ACOX2: variants seen among roughly 807,000 people sequenced by gnomAD.
The protein encoded by ACOX2 is acyl-CoA oxidase 2.
ACOX2 carries 59 observed loss-of-function variants against 77.5 expected under a neutral mutation model. The ratio of observed to expected loss-of-function variants is 0.76; its 90% CI spans 0.62 to 0.95. ACOX2 has a LOEUF of 0.95. Among genes scored for constraint, ACOX2 ranks in the 40% least tolerant of loss-of-function variants. The pLI is 0.00. For synonymous variants in ACOX2, 317 were observed against 340.1 expected, an observed-to-expected ratio of 0.93 and a Z score of 0.75; for missense variants, 837 against 880.4, an observed-to-expected ratio of 0.95 and a Z score of 0.62.
intron 8 of ACOX2, 147 bp downstream of exon 8, chr3:58,530,318 TA>T (rs1473162499): frequency 4.2e-6 from 5 of 1,192,990 alleles, no homozygotes; most frequent in Non-Finnish European, 5.8e-6. Flanking sequence ...CCAGGCTGGG[TA>T]GATTTTGTGT....
At position 58,531,366 on chromosome 3, in the gene ACOX2, C is replaced by T. The variant is rs1233895062; in HGVS notation, c.704G>A (p.Gly235Glu). The change falls in exon 7 of 15, where the codon GGA becomes GAA. Residue 235 changes from glycine to glutamate, a missense_variant and splice_region_variant. Gly to Glu is a moderately conservative substitution (Grantham distance 98). Coordinates refer to ENST00000302819, the MANE Select transcript of ACOX2 (RefSeq NM_003500.4). The surrounding 1 kb of genome is among the most constrained non-coding windows in gnomAD (Gnocchi z 5.8). ...RSLQDHTPLP[G>E]IIIGDIGPKM... ...GGGTCCGATGTCCCCAATGATGATT[C>T]CTTGAAGGAGATGGAGATGAGGACA... The T allele has an allele frequency of 6.2e-7, 1 of 1,612,624 alleles. No homozygotes were observed. The highest frequency in any genetic ancestry group is 8.5e-7 in the Non-Finnish European group (1 of 1,178,910).
chr3:58,528,308 A>G lies in ACOX2; in HGVS notation c.1155+486T>C, dbSNP rs1028679507. ...ACCTGTGAGCCAGATGTGTTTAGGA[A>G]TCAGAGTAACTTTTGGATTATAGAG... is the stretch of plus-strand genomic sequence containing the variant. On this transcript the variant is annotated intron_variant, in intron 9 of 14. Coordinates refer to ENST00000302819, the MANE Select transcript of ACOX2 (RefSeq NM_003500.4). The surrounding 1 kb of genome is among the most constrained non-coding windows in gnomAD (Gnocchi z 5.6). 6.6e-6 allele frequency among the ~76,000 whole-genome samples: 1 copy of G among 152,240 alleles called. No homozygotes were observed.
Position 58,524,579 on chromosome 3 carries a change from G to T in ACOX2, c.1373C>A (p.Thr458Asn). Residue 458 changes from threonine to asparagine, a missense_variant, in exon 11 of 15, where the codon ACT becomes AAT. Transcript: ENST00000302819. The surrounding 1 kb of genome is among the most constrained non-coding windows in gnomAD (Gnocchi z 5.5). ...TGGCGTGGAGCCAGGGGACATCTGA[G>T]TCTGCAGGTAGCTCTTCACCAGGAA... ...ARFLVKSYLQ[T>N]QMSPGSTPQR... 1.9e-6 allele frequency: 3 copies of T among 1,614,122 alleles called. No individual in the cohort carries two copies. The highest frequency in any genetic ancestry group is 2.5e-6 in the Non-Finnish European group (3 of 1,180,026).
In ACOX2 at chr3:58,533,935, G is replaced by C; in HGVS notation, c.475+59C>G. 6.3e-7 allele frequency: 1 copy of C among 1,589,864 alleles called. No homozygotes were observed. Among genetic ancestry groups the C allele is most frequent in the Non-Finnish European group, 8.6e-7 (1 of 1,163,158 alleles). Reference sequence around the variant, plus strand: ...ACCTATGACTACCTAGATGTAAATGGGCCCTCTGGAGTTTTGCAGTGCACA... The same window carrying C: ...ACCTATGACTACCTAGATGTAAATGCGCCCTCTGGAGTTTTGCAGTGCACA... On this transcript the variant is annotated intron_variant, in intron 4 of 14. Coordinates refer to ENST00000302819, the MANE Select transcript of ACOX2 (RefSeq NM_003500.4). This position sits in a 1 kb window ranked among gnomAD's most constrained non-coding sequence, Gnocchi z 5.6.
intron 14 of ACOX2, among the ~76,000 whole-genome samples, chr3:58,507,146 A>G (rs1368640114): frequency 6.6e-6 from 1 of 152,244 alleles, no homozygotes; most frequent in Non-Finnish European, 1.5e-5. Context: ...AATATAAGCT[A>G]GGATGACAAG....
At chr3:58,510,699 TATATATATATACACACACACACAC>T (rs1229640991) in intron 13 of ACOX2, among the ~76,000 whole-genome samples, 224 of 5,850 alleles carry the variant, frequency 0.038, 35 homozygotes, top group East Asian at 0.3. Flanking sequence ...TATATATATA[TATATATATATACACACACACACAC>T]ACACACACAC....
At chr3:58,529,260 C>T (rs1360295831) in intron 8 of ACOX2, 7 of 199,924 alleles carry the variant, frequency 3.5e-5, no homozygotes, top group Non-Finnish European at 7.0e-5. Flanking sequence ...TCCAACACGT[C>T]TGGTCCCAAG....
At chr3:58,511,146 G>T (rs2063284079) in intron 13 of ACOX2, 1 of 436,566 alleles carries the variant, frequency 2.3e-6, no homozygotes, top group Admixed American at 2.5e-5. Context: ...TCTCAGCTCA[G>T]GCCTCAGTCC....
chr3:58,536,687 A>T (rs2063484158), intron 1 of ACOX2, among the ~76,000 whole-genome samples: 1 of 152,016 alleles, frequency 6.6e-6, no homozygotes, highest in South Asian at 2.1e-4. Flanking sequence ...TTGCTAGGGC[A>T]TCTCCATCTG....
At position 58,524,529 on chromosome 3, in the gene ACOX2, C is replaced by A. The variant is rs1337986864; in HGVS notation, c.1423G>T (p.Ala475Ser). 1 of 1,614,146 alleles carries A rather than the reference C, an allele frequency of 6.2e-7. No individual in the cohort carries two copies. ...GCCAGGTCAGGTGCGGTGAGATATG[C>A]GACAGATGGAGAGAGAGATCTCTGT... ...TPQRSLSPSV[A>S]YLTAPDLARC... The change falls in exon 11 of 15, where the codon GCA becomes TCA. Residue 475 changes from alanine (A) to serine (S), a missense_variant. By Grantham distance (99) the Ala-to-Ser change is moderately conservative. Coordinates refer to ENST00000302819, the MANE Select transcript of ACOX2 (RefSeq NM_003500.4). This position sits in a 1 kb window ranked among gnomAD's most constrained non-coding sequence, Gnocchi z 5.5.
In ACOX2 at chr3:58,523,342, T is replaced by A. The variant is rs1169892107; in HGVS notation, c.1527-741A>T. On this transcript the variant is annotated intron_variant, in intron 11 of 14. Transcript: ENST00000302819. The surrounding 1 kb of genome is among the most constrained non-coding windows in gnomAD (Gnocchi z 5.3). ...AGCCTTATCTTCCCCTCCTCAAATC[T>A]CCCAATTGAAATGTTAGCTCTATGA... 6.6e-6 allele frequency among the ~76,000 whole-genome samples: 1 copy of A among 152,138 alleles called. No individual in the cohort carries two copies. The highest frequency in any genetic ancestry group is 2.4e-5 in the African/African-American group (1 of 41,420).
At position 58,511,158 on chromosome 3, in the gene ACOX2, T is replaced by G. The variant is rs185665189; in HGVS notation, c.1851-2133A>C. ...GGCTCTCAGCTCAGGCCTCAGTCCC[T>G]CCTTGTCTACTAGATGTCTTTTCCT... On this transcript the variant is annotated intron_variant, in intron 13 of 14. Transcript: ENST00000302819. The G allele has an allele frequency of 4.0e-4, 163 of 408,124 alleles. No individual in the cohort carries two copies. The East Asian group carries it at 0.011, about 29-fold the overall frequency. The allele number at this position is 408,124 out of a possible 1,614,324, so 25.3% of individuals were successfully genotyped here.
rs2063310693 is a variant in ACOX2 at position 58,514,843 on chromosome 3, A to C, written c.1850+2363T>G. Among the ~76,000 whole-genome samples, 1 of 152,218 alleles carries C rather than the reference A, an allele frequency of 6.6e-6. No homozygotes were observed. Among genetic ancestry groups the C allele is most frequent in the Non-Finnish European group, 1.5e-5 (1 of 68,036 alleles). On this transcript the variant is annotated intron_variant, in intron 13 of 14. Transcript: ENST00000302819. This position sits in a 1 kb window ranked among gnomAD's most constrained non-coding sequence, Gnocchi z 4.3. ...AACCGGGGCTAGAACATTATTTTCA[A>C]GTGCTTTTAAATTCTGAGAGTTTCA...
chr3:58,509,013 G>A lies in ACOX2; in HGVS notation c.1863C>T (p.Ile621=), dbSNP rs2063255858. ...TGAAGTCAAAAGCATCAGTTAACAG[G>A]ATGGCATCCTTCCTGGGATAGGAAA... is the stretch of plus-strand genomic sequence containing the variant. ...DLLRLIRKDA[I]LLTDAFDFTD... Residue 621 remains isoleucine (I), a synonymous_variant, in exon 14 of 15, where the codon ATC becomes ATT. Coordinates refer to ENST00000302819, the MANE Select transcript of ACOX2 (RefSeq NM_003500.4). 7 of 1,613,972 alleles carry A rather than the reference G, an allele frequency of 4.3e-6. No individual in the cohort carries two copies. Among genetic ancestry groups the A allele is most frequent in the Non-Finnish European group, 5.9e-6 (7 of 1,179,978 alleles).
Position 58,526,571 on chromosome 3 carries a change from C to G in ACOX2, c.1241G>C (p.Gly414Ala), listed in dbSNP as rs896125064. 1.2e-6 allele frequency: 2 copies of G among 1,614,074 alleles called. No homozygotes were observed. Among genetic ancestry groups the G allele is most frequent in the African/African-American group, 2.7e-5 (2 of 74,934 alleles). ...GCCACTCAGCTTTGAGTAGCCATGT[C>G]CGCCACAGGCCCTGCGGCACATCTC... is the stretch of plus-strand genomic sequence containing the variant. ...GAEMCRRACG[G>A]HGYSKLSGLP... Residue 414 changes from glycine to alanine, a missense_variant, in exon 10 of 15, where the codon GGA (glycine) becomes GCA (alanine). Coordinates refer to ENST00000302819, the MANE Select transcript of ACOX2 (RefSeq NM_003500.4). This position sits in a 1 kb window ranked among gnomAD's most constrained non-coding sequence, Gnocchi z 4.3.
chr3:58,533,982 G>A lies in ACOX2; in HGVS notation c.475+12C>T. 1.2e-6 allele frequency: 2 copies of A among 1,614,064 alleles called. No individual in the cohort carries two copies. The highest frequency in any genetic ancestry group is 1.7e-6 in the Non-Finnish European group (2 of 1,179,980). Reference sequence around the variant, plus strand: ...CACAACCTAAACACCACACGCAGCAGTCCTAGCTCACCATGTCCCAACTCT... The same window carrying A: ...CACAACCTAAACACCACACGCAGCAATCCTAGCTCACCATGTCCCAACTCT... On this transcript the variant is annotated intron_variant, in intron 4 of 14. Coordinates refer to ENST00000302819, the MANE Select transcript of ACOX2 (RefSeq NM_003500.4). This position sits in a 1 kb window ranked among gnomAD's most constrained non-coding sequence, Gnocchi z 5.6.
At chr3:58,530,428 A>G in intron 8 of ACOX2, 38 bp downstream of exon 8, 1 of 1,599,722 alleles carries the variant, frequency 6.3e-7, no homozygotes, top group South Asian at 1.1e-5. Context: ...ACCAAGAGGC[A>G]GCATATCTGC....
chr3:58,517,625 C>T lies in ACOX2; in HGVS notation c.1633-202G>A, dbSNP rs371316843. On this transcript the variant is annotated intron_variant, in intron 12 of 14. Transcript: ENST00000302819. ...TATATGTGTGTGTTGGGGGGGGGAG[C>T]GGGGACGGGGGGGACTGGTGGGCTT... Among the ~76,000 whole-genome samples, 233 of 86,264 alleles carry T rather than the reference C, an allele frequency of 2.7e-3. 2 individuals are homozygous for T. Among genetic ancestry groups the T allele is most frequent in the African/African-American group, 9.5e-3 (216 of 22,646 alleles). 56.6% of individuals were successfully genotyped at this position (86,264 alleles called of 152,430 possible).
chr3:58,536,452 G>C (rs369172149), intron 1 of ACOX2, among the ~76,000 whole-genome samples: 3 of 152,126 alleles, frequency 2.0e-5, no homozygotes, highest in East Asian at 1.9e-4. Flanking sequence ...ACTTTATAAG[G>C]GTCATGCAAC....
Sources: gnomAD v4.1 joint callset for allele counts (sites outside exome capture counted in the v4.1 genomes callset) on GRCh38, gnomAD v4.1.1 for gene constraint, Gnocchi (gnomAD v3.1) non-coding constraint, MANE v1.5 for transcripts, NCBI Gene and HGNC (gene_info 2026-07-23, HGNC 2026-07-21) for gene names.